The following NRXN3 variants were observed in gnomAD, a reference collection of about 807,000 sequenced individuals.
The protein encoded by NRXN3 is neurexin 3.
NRXN3 carries 32 observed loss-of-function variants against 137.6 expected under a neutral mutation model. The observed-to-expected ratio is 0.23, with a 90% confidence interval of 0.18 to 0.31. The LOEUF is 0.31. NRXN3 is among the 10% of genes least tolerant of loss of function. The pLI, the probability that NRXN3 is intolerant of heterozygous loss-of-function variation, is 1.00. For synonymous variants in NRXN3, 798 were observed against 784.5 expected (o/e 1.02, Z -0.29); for missense variants, 1,574 against 2,062.5 (o/e 0.76, Z 4.59).
chr14:79,113,723 AC>A (rs1396037373), intron 15 of NRXN3, among the ~76,000 whole-genome samples: 1 of 152,112 alleles, frequency 6.6e-6, no homozygotes, highest in Non-Finnish European at 1.5e-5. Context: ...CATTAACTGA[AC>A]TTTTTGTGTA....
Position 79,296,699 on chromosome 14 carries a change from A to G in NRXN3, c.3263-170522A>G, listed in dbSNP as rs1029474333. Among the ~76,000 whole-genome samples, 15 of 152,350 alleles carry G rather than the reference A, an allele frequency of 9.8e-5. No homozygotes were observed. In the East Asian group the frequency reaches 1.9e-3, roughly 20 times the overall value. ...ATCATGATCACTATTTACAAGAGAA[A>G]AAAAGGGTCAAGGCTGAGAAGTTGA... On this transcript the variant is annotated intron_variant, in intron 15 of 20. Coordinates refer to ENST00000335750, the MANE Select transcript of NRXN3 (RefSeq NM_001330195.2).
intron 4 of NRXN3, among the ~76,000 whole-genome samples, chr14:78,354,753 T>C (rs550004063): frequency 6.6e-6 from 1 of 152,338 alleles, no homozygotes; most frequent in South Asian, 2.1e-4. Context: ...GTGACTGTTA[T>C]GGAATAAAAA....
intron 6 of NRXN3, among the ~76,000 whole-genome samples, chr14:78,702,525 A>G (rs571641172): frequency 1.2e-4 from 17 of 144,372 alleles, no homozygotes; most frequent in African/African-American, 4.4e-4. Context: ...GCTCACTGCA[A>G]CCTCCACCTC....
intron 4 of NRXN3, among the ~76,000 whole-genome samples, chr14:78,330,108 A>T (rs1230863764): frequency 6.6e-6 from 1 of 152,182 alleles, no homozygotes; most frequent in African/African-American, 2.4e-5. Flanking sequence ...CTGTACTCCT[A>T]GTGACACAGT....
intron 4 of NRXN3, among the ~76,000 whole-genome samples, chr14:78,544,784 GGGAGGGTACACATGCAT>G (rs1248993785): frequency 6.6e-6 from 1 of 152,152 alleles, no homozygotes; most frequent in East Asian, 1.9e-4. Flanking sequence ...CAATCTTCTT[GGGAGGGTACACATGCAT>G]GACCTGCCAA....
At chr14:78,591,072 GCC>G (rs1303237937) in intron 4 of NRXN3, among the ~76,000 whole-genome samples, 1 of 152,176 alleles carries the variant, frequency 6.6e-6, no homozygotes, top group Non-Finnish European at 1.5e-5. Context: ...ATTATCCCAT[GCC>G]TTGGTGTTAC....
intron 15 of NRXN3, among the ~76,000 whole-genome samples, chr14:79,231,379 T>C (rs2153276298): frequency 6.6e-6 from 1 of 152,302 alleles, no homozygotes; most frequent in Non-Finnish European, 1.5e-5. Flanking sequence ...TGTGGGTGCC[T>C]ATTAGTGTCA....
intron 15 of NRXN3, among the ~76,000 whole-genome samples, chr14:79,285,594 T>A (rs1856443872): frequency 6.6e-6 from 1 of 152,200 alleles, no homozygotes; most frequent in Admixed American, 6.5e-5. Context: ...GTTTTCTCAC[T>A]GTGTCCTCAT....
intron 14 of NRXN3, among the ~76,000 whole-genome samples, chr14:78,980,581 G>A (rs767713273): frequency 2.6e-5 from 4 of 152,108 alleles, no homozygotes; most frequent in Non-Finnish European, 4.4e-5. Flanking sequence ...GTGCTGTAAG[G>A]GTGGATTAGA....
chr14:78,887,804 G>A (rs1317981001), intron 10 of NRXN3, among the ~76,000 whole-genome samples: 2 of 152,060 alleles, frequency 1.3e-5, no homozygotes, highest in African/African-American at 2.4e-5. Context: ...ATTGGAGAAG[G>A]AAGTGGCATG....
At chr14:78,793,297 A>G (rs535630147) in intron 8 of NRXN3, among the ~76,000 whole-genome samples, 1 of 152,310 alleles carries the variant, frequency 6.6e-6, no homozygotes, top group South Asian at 2.1e-4. Flanking sequence ...AGAAATGGAA[A>G]CACTTGGTGA....
chr14:78,980,199 G>A (rs1450987187), intron 14 of NRXN3, among the ~76,000 whole-genome samples: 1 of 152,196 alleles, frequency 6.6e-6, no homozygotes, highest in Non-Finnish European at 1.5e-5. Flanking sequence ...CCCCACTCCT[G>A]GGTCACCAGC....
chr14:79,621,563 C>T (rs141677001), intron 16 of NRXN3, among the ~76,000 whole-genome samples: 4 of 152,246 alleles, frequency 2.6e-5, no homozygotes, highest in African/African-American at 9.6e-5. Context: ...TTGCTATGTT[C>T]TTGACTCAAA....
At chr14:79,438,850 C>T (rs1302468513) in intron 15 of NRXN3, among the ~76,000 whole-genome samples, 2 of 152,170 alleles carry the variant, frequency 1.3e-5, no homozygotes, top group African/African-American at 4.8e-5. Flanking sequence ...ATTGAGCCTC[C>T]AAGTAGAAGC....
intron 10 of NRXN3, among the ~76,000 whole-genome samples, chr14:78,883,980 T>C (rs551416276): frequency 1.3e-5 from 2 of 152,358 alleles, no homozygotes; most frequent in Non-Finnish European, 2.9e-5. Context: ...CAAGTGTCAT[T>C]GAGTGATTCA....
chr14:79,550,663 C>T (rs1371526163), intron 16 of NRXN3, among the ~76,000 whole-genome samples: 3 of 152,008 alleles, frequency 2.0e-5, no homozygotes, highest in East Asian at 3.9e-4. Flanking sequence ...AAAGGCCAGC[C>T]AAGGAAGGAA....
chr14:78,773,315 T>C (rs1296064492), intron 8 of NRXN3, among the ~76,000 whole-genome samples: 1 of 152,164 alleles, frequency 6.6e-6, no homozygotes, highest in Non-Finnish European at 1.5e-5. Context: ...TCTATTGATA[T>C]TGAATGTGGC....
chr14:78,662,124 G>A (rs533578097), intron 6 of NRXN3, among the ~76,000 whole-genome samples: 6 of 151,322 alleles, frequency 4.0e-5, no homozygotes, highest in African/African-American at 1.5e-4. Context: ...CATCCACCTC[G>A]GCCTCCCAAA....
At chr14:78,216,109 G>T (rs1300697014) in intron 1 of NRXN3, among the ~76,000 whole-genome samples, 1 of 152,128 alleles carries the variant, frequency 6.6e-6, no homozygotes, top group Non-Finnish European at 1.5e-5. Context: ...GTGTGTATCT[G>T]TCTCCCTTCC....
Sources: gnomAD v4.1 joint callset for allele counts (sites outside exome capture counted in the v4.1 genomes callset) on GRCh38, gnomAD v4.1.1 for gene constraint, MANE v1.5 for transcripts, NCBI Gene and HGNC (gene_info 2026-07-23, HGNC 2026-07-21) for gene names.